Variants in LUZP2 observed in about 807,000 individuals in gnomAD.
LUZP2 encodes the protein leucine zipper protein 2.
Under a neutral mutation model 51.6 loss-of-function variants are expected in LUZP2, and 52 were observed. That is an observed-to-expected ratio of 1.01 (90% CI 0.81 to 1.27). The LOEUF is 1.27. Ranked by LOEUF, LUZP2 falls within the 50% of genes most tolerant of loss-of-function variation. The pLI, the probability that LUZP2 is intolerant of heterozygous loss-of-function variation, is 0.00. For synonymous variants in LUZP2, 154 were observed against 137.3 expected (o/e 1.12, Z -0.85); for missense variants, 436 against 395.4 (o/e 1.10, Z -0.87).
chr11:24,569,333 A>C (rs1852349781), intron 1 of LUZP2, among the ~76,000 whole-genome samples: 1 of 152,106 alleles, frequency 6.6e-6, no homozygotes, highest in Non-Finnish European at 1.5e-5. Context: ...TGGTATATTA[A>C]ATCCTTTTTA....
chr11:24,747,262 G>GT (rs1290502413), intron 4 of LUZP2, among the ~76,000 whole-genome samples: 1 of 152,072 alleles, frequency 6.6e-6, no homozygotes, highest in Admixed American at 6.6e-5. Context: ...TACTTTTCTC[G>GT]TTTTCCTGTG....
At chr11:24,707,924 G>A (rs1037539887) in intron 1 of LUZP2, among the ~76,000 whole-genome samples, 3 of 152,102 alleles carry the variant, frequency 2.0e-5, no homozygotes, top group Non-Finnish European at 2.9e-5. Flanking sequence ...TATCTCTGAC[G>A]CACGTGGCCC....
chr11:24,996,954 T>C, intron 9 of LUZP2, among the ~76,000 whole-genome samples: 1 of 151,254 alleles, frequency 6.6e-6, no homozygotes, highest in East Asian at 1.9e-4. Flanking sequence ...GAACTCATCA[T>C]TTTTTATGGC....
chr11:24,664,080 A>G (rs1856124253), intron 1 of LUZP2, among the ~76,000 whole-genome samples: 1 of 152,174 alleles, frequency 6.6e-6, no homozygotes, highest in African/African-American at 2.4e-5. Context: ...TGTGGAAGCG[A>G]TTTTGGAACT....
chr11:24,638,143 G>A (rs1565045592), intron 1 of LUZP2, among the ~76,000 whole-genome samples: 1 of 151,646 alleles, frequency 6.6e-6, no homozygotes, highest in Non-Finnish European at 1.5e-5. Context: ...ATTTAACTTA[G>A]CCCATGACAA....
intron 7 of LUZP2, among the ~76,000 whole-genome samples, chr11:24,920,473 C>G (rs1282253879): frequency 1.3e-5 from 2 of 151,920 alleles, no homozygotes; most frequent in Non-Finnish European, 2.9e-5. Flanking sequence ...ATAATTAAAT[C>G]AAAACTTATC....
intron 1 of LUZP2, among the ~76,000 whole-genome samples, chr11:24,553,849 A>G (rs1420509103): frequency 4.6e-5 from 7 of 152,144 alleles, no homozygotes; most frequent in Admixed American, 4.6e-4. Flanking sequence ...TCTTAGTGGC[A>G]ACTTCACTAT....
At chr11:24,759,271 A>G (rs1859891054) in intron 4 of LUZP2, among the ~76,000 whole-genome samples, 1 of 152,088 alleles carries the variant, frequency 6.6e-6, no homozygotes, top group Admixed American at 6.6e-5. Flanking sequence ...AAGAATTGTT[A>G]TGTTCTTTCA....
chr11:24,552,473 A>G (rs1388133862), intron 1 of LUZP2, among the ~76,000 whole-genome samples: 3 of 152,050 alleles, frequency 2.0e-5, no homozygotes, highest in African/African-American at 7.2e-5. Flanking sequence ...AGTCAAAGCT[A>G]TAAATAAACA....
chr11:24,830,387 C>G (rs371371041), intron 5 of LUZP2, among the ~76,000 whole-genome samples: 1 of 106,424 alleles, frequency 9.4e-6, no homozygotes, highest in African/African-American at 4.3e-5. Flanking sequence ...TCGTATTGTC[C>G]ATATGTTGTA....
chr11:24,696,791 C>A (rs1320284631), intron 1 of LUZP2, among the ~76,000 whole-genome samples: 1 of 151,434 alleles, frequency 6.6e-6, no homozygotes, highest in African/African-American at 2.4e-5. Context: ...TTTTTATAAA[C>A]AACATTAACA....
At position 24,952,983 on chromosome 11, in the gene LUZP2, C is replaced by CGAA. The variant is rs1305698244; in HGVS notation, c.523-23608_523-23607insGAA. ...CTCCTGTAAGCAAATTTGCCAAATT[C>CGAA]TGTGTCATTCAGCTCCACTTATGAA... On this transcript the variant is annotated intron_variant, in intron 7 of 11. Transcript: ENST00000336930. 3.3e-5 allele frequency among the ~76,000 whole-genome samples: 5 copies of CGAA among 151,876 alleles called. No individual in the cohort carries two copies. The East Asian group carries it at 9.7e-4, about 30-fold the overall frequency.
chr11:24,919,761 C>G (rs977805510), intron 7 of LUZP2, among the ~76,000 whole-genome samples: 49 of 150,190 alleles, frequency 3.3e-4, no homozygotes, highest in African/African-American at 1.1e-3. Context: ...ATCTAACTAT[C>G]AAGTAGTTCA....
chr11:24,907,951 C>G (rs1046312436), intron 6 of LUZP2, among the ~76,000 whole-genome samples: 3 of 151,484 alleles, frequency 2.0e-5, no homozygotes, highest in African/African-American at 7.3e-5. Context: ...AATTTATTTG[C>G]TGTATGTCAT....
At chr11:25,018,703 G>A (rs1287696647) in intron 9 of LUZP2, among the ~76,000 whole-genome samples, 1 of 149,496 alleles carries the variant, frequency 6.7e-6, no homozygotes, top group Non-Finnish European at 1.5e-5. Flanking sequence ...TAGCTCCTGG[G>A]TTCAAGTGAT....
At chr11:24,721,103 A>G (rs1295476548) in intron 1 of LUZP2, among the ~76,000 whole-genome samples, 1 of 152,218 alleles carries the variant, frequency 6.6e-6, no homozygotes, top group Admixed American at 6.5e-5. Flanking sequence ...GTTTAATGTC[A>G]CTGATAAGCC....
intron 1 of LUZP2, among the ~76,000 whole-genome samples, chr11:24,717,705 G>A (rs913763480): frequency 4.6e-5 from 7 of 151,702 alleles, no homozygotes; most frequent in African/African-American, 1.5e-4. Context: ...GTGAGCCACC[G>A]CGCCCGGCCC....
intron 10 of LUZP2, among the ~76,000 whole-genome samples, chr11:25,071,330 G>T (rs1353246489): frequency 1.3e-5 from 2 of 151,758 alleles, no homozygotes; most frequent in South Asian, 2.1e-4. Flanking sequence ...CACCAACATG[G>T]CACATGTATA....
chr11:24,674,198 T>C (rs1445394744), intron 1 of LUZP2, among the ~76,000 whole-genome samples: 2 of 152,284 alleles, frequency 1.3e-5, no homozygotes, highest in Non-Finnish European at 2.9e-5. Flanking sequence ...CATGGGCCTC[T>C]TGAAATCTAC....
Sources: gnomAD v4.1 joint callset for allele counts (sites outside exome capture counted in the v4.1 genomes callset) on GRCh38, gnomAD v4.1.1 for gene constraint, MANE v1.5 for transcripts, NCBI Gene and HGNC (gene_info 2026-07-23, HGNC 2026-07-21) for gene names.